Variants in ZNF541 observed in about 807,000 individuals in gnomAD.
ZNF541 encodes the protein zinc finger protein 541.
A neutral mutation model predicts 123.5 loss-of-function variants in ZNF541; 23 were observed. The observed-to-expected ratio is 0.19, with a 90% CI of 0.13 to 0.26. The LOEUF (loss-of-function observed/expected upper bound fraction) is 0.26. ZNF541 is among the 10% of genes least tolerant of loss of function. The pLI is 1.00. For missense variants in ZNF541, 1,612 were observed against 1,789.9 expected (o/e 0.90, Z 1.79); for synonymous variants, 751 against 754.5 (o/e 1.00, Z 0.08).
rs146687202 is a variant in ZNF541 at position 47,563,297 on chromosome 19, C to T, written c.-98-7343G>A. 1.9e-3 allele frequency among the ~76,000 whole-genome samples: 283 copies of T among 152,254 alleles called. 1 individual carries two copies. The highest frequency in any genetic ancestry group is 8.7e-3 in the South Asian group (42 of 4,826). On this transcript the variant is annotated intron_variant, in intron 2 of 16. Coordinates refer to ENST00000391901, the MANE Select transcript of ZNF541 (RefSeq NM_001277075.3). ...ACTTCCAGTGGGGTTCAAGGCAGTACCTGGTAACCAAATAATTATTTCTGC... is the reference window on the plus strand; with the variant it reads ...ACTTCCAGTGGGGTTCAAGGCAGTATCTGGTAACCAAATAATTATTTCTGC...
chr19:47,526,421 G>A (rs1471219811), intron 14 of ZNF541, among the ~76,000 whole-genome samples: 1 of 150,506 alleles, frequency 6.6e-6, no homozygotes, highest in African/African-American at 2.5e-5. Flanking sequence ...GGCAGAGGTT[G>A]CAGTGAGCAT....
intron 3 of ZNF541, among the ~76,000 whole-genome samples, chr19:47,554,114 T>A (rs926180320): frequency 1.1e-4 from 16 of 152,196 alleles, no homozygotes; most frequent in Non-Finnish European, 1.5e-4. Flanking sequence ...AGACTATGTA[T>A]GTCTGACTTT....
chr19:47,537,178 C>T (rs890442495), intron 9 of ZNF541, among the ~76,000 whole-genome samples: 5 of 152,118 alleles, frequency 3.3e-5, no homozygotes, highest in South Asian at 4.1e-4. Flanking sequence ...GATAGTTGCA[C>T]GGCCTTGTGA....
rs985454798 is a variant in ZNF541, at chr19:47,544,434, G to A, written c.2095C>T (p.Arg699Trp). The A allele has an allele frequency of 9.7e-6, 15 of 1,551,524 alleles. No homozygotes were observed. The highest frequency in any genetic ancestry group is 1.7e-4 in the Middle Eastern group (1 of 6,014). Residue 699 changes from arginine to tryptophan, a missense_variant, in exon 5 of 17, where the codon CGG becomes TGG. By Grantham distance (101) the Arg-to-Trp change is moderately radical. Coordinates refer to ENST00000391901, the MANE Select transcript of ZNF541 (RefSeq NM_001277075.3). ...TCCTCCCCACCTAACTGGGTCTGCC[G>A]TTGGCCTGTGGAGGGGAAGATGTCC... ...LEDIFPSTGQ[R>W]QTQLGGEEPP... is the part of the protein sequence containing the mutation.
intron 4 of ZNF541, among the ~76,000 whole-genome samples, chr19:47,546,625 G>A (rs753098029): frequency 3.1e-4 from 47 of 152,208 alleles, no homozygotes; most frequent in Non-Finnish European, 5.1e-4. Flanking sequence ...GACCTCCAGA[G>A]TTGCTCCTCA....
chr19:47,544,309 A>C lies in ZNF541; in HGVS notation c.2220T>G (p.Gly740=). 1 of 1,551,408 alleles carries C rather than the reference A, an allele frequency of 6.4e-7. No homozygotes were observed. Among genetic ancestry groups the C allele is most frequent in the Non-Finnish European group, 8.7e-7 (1 of 1,146,942 alleles). Residue 740 remains glycine, a synonymous_variant, in exon 5 of 17, where the codon GGT becomes GGG. Coordinates refer to ENST00000391901, the MANE Select transcript of ZNF541 (RefSeq NM_001277075.3). ...GGTTGCCCAAGAGCCGGTAGCCTCC[A>C]CCCCGGGAGCAGGCTGGGCCCTTTT... The part of the protein sequence containing the change: ...KGEKGPACSR[G]GGYRLLGNPR...
intron 2 of ZNF541, among the ~76,000 whole-genome samples, chr19:47,562,230 C>T: frequency 6.6e-6 from 1 of 151,616 alleles, no homozygotes; most frequent in South Asian, 2.1e-4. Context: ...GCCTGGGCGA[C>T]AGAGACTGTC....
chr19:47,532,082 G>A (rs1439583812), intron 11 of ZNF541, 46 bp downstream of exon 11: 3 of 1,543,756 alleles, frequency 1.9e-6, no homozygotes, highest in Admixed American at 4.0e-5. Flanking sequence ...TGGAAATGGA[G>A]GGGGAAGAAG....
rs181609583 is a variant in ZNF541 at position 47,522,315 on chromosome 19, C to T, written c.3571-321G>A. On this transcript the variant is annotated intron_variant, in intron 14 of 16. Coordinates refer to ENST00000391901, the MANE Select transcript of ZNF541 (RefSeq NM_001277075.3). ...CAACTGTGACATCATGCTAATAAAT[C>T]GGAATGCTCTCTGCAGGCAGAATAC... Among the ~76,000 whole-genome samples the T allele has an allele frequency of 6.0e-3, 906 of 152,120 alleles. 4 individuals carry two copies. The highest frequency in any genetic ancestry group is 0.012 in the South Asian group (58 of 4,832).
chr19:47,539,745 G>A lies in ZNF541; in HGVS notation c.2756C>T (p.Pro919Leu). The A allele has an allele frequency of 6.9e-7, 1 of 1,456,316 alleles. No homozygotes were observed. Among genetic ancestry groups the A allele is most frequent in the Non-Finnish European group, 9.0e-7 (1 of 1,110,122 alleles). 90.2% of individuals were successfully genotyped at this position (1,456,316 alleles called of 1,614,324 possible). A position where few individuals can be genotyped will look rare whatever the true frequency, so the allele number is the denominator to read the frequency against. The change falls in exon 8 of 17, where the codon CCC (proline) becomes CTC (leucine). Residue 919 changes from proline to leucine, a missense_variant. By Grantham distance (98) the Pro-to-Leu change is moderately conservative (BLOSUM62 -3). Coordinates refer to ENST00000391901, the MANE Select transcript of ZNF541 (RefSeq NM_001277075.3). ...AAPLVVPQSI[P>L]VVPVTRHIGS... is the part of the protein sequence containing the mutation. ...TATGTGTCGGGTCACTGGAACCACG[G>A]GGATCGATTGGGGGACCACCAAAGG...
intron 3 of ZNF541, among the ~76,000 whole-genome samples, chr19:47,550,080 C>T (rs1445431875): frequency 4.6e-5 from 7 of 152,018 alleles, no homozygotes; most frequent in Non-Finnish European, 7.4e-5. Flanking sequence ...GGTGAAACCC[C>T]GTCTCTACCA....
At position 47,531,762 on chromosome 19, in the gene ZNF541, C is replaced by T. The variant is rs1466440587; in HGVS notation, c.3302-17G>A. On this transcript the variant is annotated splice_polypyrimidine_tract_variant and intron_variant, in intron 11 of 16. Coordinates refer to ENST00000391901, the MANE Select transcript of ZNF541 (RefSeq NM_001277075.3). ...GCTCGGTCACTGTTTCCAAGAAGGA[C>T]ATGAGGAAGAGGAGGCACACAGGAG... is the stretch of plus-strand genomic sequence containing the variant. 3 of 1,535,970 alleles carry T rather than the reference C, an allele frequency of 2.0e-6. No individual in the cohort carries two copies. The highest frequency in any genetic ancestry group is 1.4e-5 in the African/African-American group (1 of 72,904).
At chr19:47,568,328 T>C (rs1971345575) in intron 2 of ZNF541, among the ~76,000 whole-genome samples, 2 of 152,012 alleles carry the variant, frequency 1.3e-5, no homozygotes, top group Admixed American at 6.6e-5. Context: ...ACCCTAGCTA[T>C]GCAATTTCCT....
chr19:47,549,508 G>C, intron 3 of ZNF541, 23 bp from the exon 4 acceptor site: 1 of 1,550,628 alleles, frequency 6.4e-7, no homozygotes, highest in East Asian at 2.4e-5. Context: ...AGAAAGCACA[G>C]GTTATACACA....
chr19:47,549,435 C>T lies in ZNF541; in HGVS notation c.358G>A (p.Ala120Thr), dbSNP rs571350245. 3 of 1,551,702 alleles carry T rather than the reference C, an allele frequency of 1.9e-6. No homozygotes were observed. Among genetic ancestry groups the T allele is most frequent in the Middle Eastern group, 1.7e-4 (1 of 5,992 alleles). Residue 120 changes from alanine (A) to threonine (T), a missense_variant, in exon 4 of 17, where the codon GCC becomes ACC. By Grantham distance (58) the Ala-to-Thr change is moderately conservative. This residue lies in a region of ZNF541 where 212 missense variants were observed against 289.6 expected (regional missense o/e 0.73). Coordinates refer to ENST00000391901, the MANE Select transcript of ZNF541 (RefSeq NM_001277075.3). ...KAKEADEGGR[A>T]TSGSARKGKR... ...CCTTTCCTGGCACTCCCCGAGGTGG[C>T]CCTTCCTCCTTCGTCAGCCTCTTTA...
At chr19:47,538,116 A>G in intron 9 of ZNF541, 26 bp downstream of exon 9, 1 of 1,549,094 alleles carries the variant, frequency 6.5e-7, no homozygotes, top group Non-Finnish European at 8.7e-7. Context: ...CTGGGATCAC[A>G]GAGTGAGTGC....
At chr19:47,539,110 T>C (rs1358162296) in intron 8 of ZNF541, among the ~76,000 whole-genome samples, 4 of 152,020 alleles carry the variant, frequency 2.6e-5, no homozygotes, top group African/African-American at 9.7e-5. Flanking sequence ...CCACTCTGGG[T>C]TGTCACTGTC....
intron 2 of ZNF541, among the ~76,000 whole-genome samples, chr19:47,571,602 T>C (rs1971479755): frequency 6.6e-6 from 1 of 152,202 alleles, no homozygotes; most frequent in African/African-American, 2.4e-5. Context: ...TTCTTCCCTT[T>C]ACCTGTGCCT....
intron 12 of ZNF541, 112 bp from the exon 13 acceptor site, chr19:47,529,764 T>G: frequency 9.9e-7 from 1 of 1,015,090 alleles, no homozygotes; most frequent in Non-Finnish European, 1.5e-6. Flanking sequence ...ACACTGCCTG[T>G]CCCAGGGCTA....
Sources: allele counts gnomAD v4.1 joint callset (sites outside exome capture counted in the v4.1 genomes callset), GRCh38; gene constraint gnomAD v4.1.1; regional missense constraint gnomAD v4.1.1; transcripts MANE v1.5; gene names NCBI Gene and HGNC (gene_info 2026-07-23, HGNC 2026-07-21).